MAP2K4: variants seen among roughly 807,000 people sequenced by gnomAD.
MAP2K4 encodes the protein dual specificity mitogen-activated protein kinase kinase 4.
Under a neutral mutation model 48.5 loss-of-function variants are expected in MAP2K4, and 4 were observed. That is an observed-to-expected ratio of 0.08 (90% CI 0.04 to 0.19). The LOEUF (loss-of-function observed/expected upper bound fraction) is 0.19. Among genes scored for constraint, MAP2K4 ranks in the 10% least tolerant of loss-of-function variants. The probability of loss-of-function intolerance (pLI) is 1.00; values close to 1 mark genes in which losing one functional copy is unlikely to be tolerated. For synonymous variants in MAP2K4, 166 were observed against 173.1 expected, an observed-to-expected ratio of 0.96 and a Z score of 0.32; for missense variants, 258 against 493.3, an observed-to-expected ratio of 0.52 and a Z score of 4.52.
chr17:12,038,425 C>A (rs967218182), intron 1 of MAP2K4, among the ~76,000 whole-genome samples: 1 of 152,064 alleles, frequency 6.6e-6, no homozygotes. Context: ...CAAGTGCGTA[C>A]GAACATATTC....
intron 3 of MAP2K4, among the ~76,000 whole-genome samples, chr17:12,093,974 T>C (rs1231717504): frequency 6.6e-6 from 1 of 152,224 alleles, no homozygotes; most frequent in African/African-American, 2.4e-5. Context: ...TTTTGACTTT[T>C]AAAAATATCC....
intron 3 of MAP2K4, among the ~76,000 whole-genome samples, chr17:12,088,536 AT>A (rs1253828713): frequency 1.5e-4 from 13 of 84,342 alleles, no homozygotes; most frequent in Non-Finnish European, 3.2e-4. Flanking sequence ...TATAATATAT[AT>A]TAAATTATAT....
chr17:12,100,203 C>T (rs756556998), intron 4 of MAP2K4, among the ~76,000 whole-genome samples: 1 of 152,194 alleles, frequency 6.6e-6, no homozygotes, highest in Non-Finnish European at 1.5e-5. Flanking sequence ...TTTCCTTACA[C>T]CACGTAGGTA....
chr17:12,050,328 A>C (rs1051515456), intron 1 of MAP2K4, among the ~76,000 whole-genome samples: 1 of 152,220 alleles, frequency 6.6e-6, no homozygotes, highest in Non-Finnish European at 1.5e-5. Flanking sequence ...GGTGATTTGC[A>C]GAGTTCAAAG....
rs1161471824 is a variant in MAP2K4, at chr17:12,020,900, G to A, written c.14G>A (p.Ser5Asn). The A allele has an allele frequency of 1.6e-6, 2 of 1,213,614 alleles. No individual in the cohort carries two copies. Among genetic ancestry groups the A allele is most frequent in the African/African-American group, 3.1e-5 (2 of 63,698 alleles). 75.2% of individuals were successfully genotyped at this position (1,213,614 alleles called of 1,614,324 possible). Residue 5 changes from serine to asparagine, a missense_variant, in exon 1 of 11, where the codon AGC becomes AAC. Physicochemically the swap from Ser to Asn is conservative, Grantham distance 46. This residue lies in a region of MAP2K4 where 69 missense variants were observed against 56.2 expected (regional missense o/e 1.23). Transcript: ENST00000353533. MAAP[S>N]PSGGGGSGGG... is the part of the protein sequence containing the mutation. ...TCACTCCCAACAATGGCGGCTCCGA[G>A]CCCGAGCGGCGGCGGCGGCTCCGGG...
rs114468558 is a variant in MAP2K4 at position 12,129,605 on chromosome 17, C to G, written c.1040+318C>G. ...TCTAGGTGAGACTGATCATCTTACT[C>G]TAATGTGGTTCTCACAATGCAATTG... On this transcript the variant is annotated intron_variant, in intron 9 of 10. Coordinates refer to ENST00000353533, the MANE Select transcript of MAP2K4 (RefSeq NM_003010.4). Among the ~76,000 whole-genome samples the G allele has an allele frequency of 8.8e-3, 1,346 of 152,330 alleles. 18 individuals are homozygous for G. Among genetic ancestry groups the G allele is most frequent in the African/African-American group, 0.029 (1,217 of 41,570 alleles).
chr17:12,042,277 T>C (rs1969813044), intron 1 of MAP2K4, among the ~76,000 whole-genome samples: 1 of 151,874 alleles, frequency 6.6e-6, no homozygotes, highest in Non-Finnish European at 1.5e-5. Flanking sequence ...ATGACTTAAT[T>C]ATTCTTTTGC....
At chr17:12,022,154 A>T (rs1245327992) in intron 1 of MAP2K4, among the ~76,000 whole-genome samples, 1 of 152,200 alleles carries the variant, frequency 6.6e-6, no homozygotes, top group African/African-American at 2.4e-5. Context: ...GTTAGGTTCA[A>T]CAGACATTTA....
intron 2 of MAP2K4, among the ~76,000 whole-genome samples, chr17:12,058,499 C>T (rs150178929): frequency 1.3e-5 from 2 of 152,244 alleles, no homozygotes; most frequent in African/African-American, 4.8e-5. Flanking sequence ...ATGCCTGCCT[C>T]CTACCATGTG....
Position 12,143,611 on chromosome 17 carries a change from A to G in MAP2K4, c.*2351A>G, listed in dbSNP as rs1973443957. ...GCTTCTTGGAGCTTTGGAATATTTT[A>G]TCCTGTATTCTTGTTTGAATTCCTC... On this transcript the variant is annotated 3_prime_UTR_variant, in exon 11 of 11. Transcript: ENST00000353533. The G allele has an allele frequency of 8.7e-6, 2 of 230,924 alleles. No individual in the cohort carries two copies. The highest frequency in any genetic ancestry group is 1.7e-5 in the Non-Finnish European group (2 of 116,376). 14.3% of individuals were successfully genotyped at this position (230,924 alleles called of 1,614,324 possible). A position where few individuals can be genotyped will look rare whatever the true frequency, so the allele number is the denominator to read the frequency against.
At chr17:12,125,427 A>C in intron 8 of MAP2K4, 56 bp downstream of exon 8, 1 of 1,440,492 alleles carries the variant, frequency 6.9e-7, no homozygotes, top group Non-Finnish European at 9.8e-7. Flanking sequence ...GAAATTTAGA[A>C]GTGAAAGAAA....
At chr17:12,127,321 A>G (rs367618150) in intron 8 of MAP2K4, among the ~76,000 whole-genome samples, 14 of 152,346 alleles carry the variant, frequency 9.2e-5, no homozygotes, top group Admixed American at 3.9e-4. Context: ...AGGTTTGGCA[A>G]CTGGTCCCAA....
chr17:12,031,751 C>T (rs1163951621), intron 1 of MAP2K4, among the ~76,000 whole-genome samples: 1 of 152,150 alleles, frequency 6.6e-6, no homozygotes, highest in Non-Finnish European at 1.5e-5. Flanking sequence ...CCCTCTTCAG[C>T]AGTTCATTGT....
At chr17:12,046,831 AT>A (rs935494261) in intron 1 of MAP2K4, among the ~76,000 whole-genome samples, 4 of 150,660 alleles carry the variant, frequency 2.7e-5, no homozygotes, top group South Asian at 2.1e-4. Flanking sequence ...AATGAGTTAA[AT>A]TTTTTTTTTC....
intron 9 of MAP2K4, among the ~76,000 whole-genome samples, chr17:12,133,002 T>C (rs1973081464): frequency 1.3e-5 from 2 of 152,208 alleles, no homozygotes. Flanking sequence ...TTACAAAGTT[T>C]TTTTGGGGAA....
intron 2 of MAP2K4, among the ~76,000 whole-genome samples, chr17:12,062,581 G>A (rs973392781): frequency 3.9e-5 from 6 of 152,020 alleles, no homozygotes; most frequent in Non-Finnish European, 8.8e-5. Flanking sequence ...TTCCTGCCTC[G>A]GCCTCCCAGA....
At position 12,095,578 on chromosome 17, in the gene MAP2K4, A is replaced by G; in HGVS notation, c.397A>G (p.Ile133Val). ...ATCTTTTGTCATTCTTTTCCAGAGA[A>G]TTCGGTCAACAGTGGATGAAAAAGA... ...PSGQIMAVKR[I>V]RSTVDEKEQK... The change falls in exon 4 of 11, where the codon ATT becomes GTT. Residue 133 changes from isoleucine to valine, a missense_variant. Transcript: ENST00000353533. The G allele has an allele frequency of 6.2e-7, 1 of 1,613,666 alleles. No individual in the cohort carries two copies. The highest frequency in any genetic ancestry group is 8.5e-7 in the Non-Finnish European group (1 of 1,179,848).
At chr17:12,038,586 A>T (rs558524344) in intron 1 of MAP2K4, among the ~76,000 whole-genome samples, 1 of 152,274 alleles carries the variant, frequency 6.6e-6, no homozygotes, top group East Asian at 1.9e-4. Context: ...TTAAATCTAG[A>T]GCCTACTCTG....
intron 2 of MAP2K4, among the ~76,000 whole-genome samples, chr17:12,072,182 G>T (rs975965331): frequency 2.8e-4 from 43 of 152,190 alleles, no homozygotes; most frequent in African/African-American, 9.4e-4. Context: ...CCAAATTAGG[G>T]TTCACTAAGA....
Sources: allele counts gnomAD v4.1 joint callset (sites outside exome capture counted in the v4.1 genomes callset), GRCh38; gene constraint gnomAD v4.1.1; regional missense constraint gnomAD v4.1.1; transcripts MANE v1.5; gene names NCBI Gene and HGNC (gene_info 2026-07-23, HGNC 2026-07-21).